The following SHISA9 variants were observed in gnomAD, a reference collection of about 807,000 sequenced individuals.
SHISA9 encodes the protein shisa family member 9.
In SHISA9, 13 loss-of-function variants were observed where a neutral mutation model predicts 38.0. The observed-to-expected ratio is 0.34, with a 90% confidence interval of 0.22 to 0.54. The LOEUF is 0.54. Among genes scored for constraint, SHISA9 ranks in the 20% least tolerant of loss-of-function variants. The pLI, the probability that SHISA9 is intolerant of heterozygous loss-of-function variation, is 0.91. For synonymous variants in SHISA9, 275 were observed against 242.0 expected, an observed-to-expected ratio of 1.14 and a Z score of -1.27; for missense variants, 538 against 575.8, an observed-to-expected ratio of 0.93 and a Z score of 0.67.
the SHISA9 span, among the ~76,000 whole-genome samples, chr16:13,257,337 C>A: frequency 1.4e-3 from 215 of 152,260 alleles, 2 homozygotes; most frequent in African/African-American, 5.0e-3. Flanking sequence ...TTATTCATTA[C>A]GTGACAAGTT....
the SHISA9 span, among the ~76,000 whole-genome samples, chr16:13,544,581 G>A: frequency 9.0e-4 from 137 of 151,974 alleles, 2 homozygotes; most frequent in East Asian, 0.025. Flanking sequence ...CTCACCAATT[G>A]CTAAGCAAAA....
chr16:13,545,026 A>G, the SHISA9 span, among the ~76,000 whole-genome samples: 3 of 152,188 alleles, frequency 2.0e-5, no homozygotes, highest in Non-Finnish European at 4.4e-5. Context: ...TTTCCTCATC[A>G]TCACAATAAC....
the SHISA9 span, among the ~76,000 whole-genome samples, chr16:13,455,942 G>T: frequency 4.6e-5 from 7 of 152,234 alleles, no homozygotes; most frequent in Non-Finnish European, 2.9e-5. Flanking sequence ...TATTTCTTGT[G>T]GCCTGGAATT....
At chr16:12,965,619 T>C (rs1371819963) in intron 2 of SHISA9, among the ~76,000 whole-genome samples, 1 of 152,154 alleles carries the variant, frequency 6.6e-6, no homozygotes, top group Non-Finnish European at 1.5e-5. Flanking sequence ...GGTGGCTGCT[T>C]TTTCAGGGAG....
At chr16:13,099,098 T>C (rs769534496) in intron 2 of SHISA9, among the ~76,000 whole-genome samples, 12 of 152,282 alleles carry the variant, frequency 7.9e-5, no homozygotes, top group Non-Finnish European at 1.6e-4. Flanking sequence ...AGCTGCTGCC[T>C]GTTTTTGCAA....
At chr16:13,071,924 G>C (rs971950936) in intron 2 of SHISA9, among the ~76,000 whole-genome samples, 1 of 152,024 alleles carries the variant, frequency 6.6e-6, no homozygotes, top group Admixed American at 6.6e-5. Context: ...GGAATTATAG[G>C]TGTGACCCAC....
At chr16:13,424,572 C>CT in the SHISA9 span, among the ~76,000 whole-genome samples, 5 of 152,242 alleles carry the variant, frequency 3.3e-5, no homozygotes, top group African/African-American at 1.2e-4. Context: ...ATCACTACTC[C>CT]TTAAGTCCAA....
chr16:12,943,318 TGTGTGTGTGTGTGAGAGAGA>T (rs2071641772), intron 2 of SHISA9, among the ~76,000 whole-genome samples: 3 of 26,416 alleles, frequency 1.1e-4, no homozygotes, highest in African/African-American at 3.7e-4. Flanking sequence ...TGTGTGTGTG[TGTGTGTGTGTGTGAGAGAGA>T]GAGAGAGAGA....
intron 2 of SHISA9, among the ~76,000 whole-genome samples, chr16:12,996,752 C>A (rs759634328): frequency 6.6e-6 from 1 of 152,094 alleles, no homozygotes; most frequent in Non-Finnish European, 1.5e-5. Flanking sequence ...CCTTTAATTT[C>A]TTATCTGTAG....
chr16:13,476,098 G>T, the SHISA9 span, among the ~76,000 whole-genome samples: 1 of 151,944 alleles, frequency 6.6e-6, no homozygotes, highest in South Asian at 2.1e-4. Context: ...TTGACAGTTT[G>T]TTTTTTTTCC....
intron 2 of SHISA9, among the ~76,000 whole-genome samples, chr16:12,932,413 C>T (rs1330657189): frequency 1.3e-5 from 2 of 152,162 alleles, no homozygotes; most frequent in East Asian, 3.9e-4. Context: ...GCGATCTGGA[C>T]TCACTGCAAC....
At chr16:13,072,453 CTT>C (rs1046555030) in intron 2 of SHISA9, among the ~76,000 whole-genome samples, 10 of 152,148 alleles carry the variant, frequency 6.6e-5, no homozygotes, top group Non-Finnish European at 1.0e-4. Flanking sequence ...TTAGTTATCT[CTT>C]GGCGAAATTC....
chr16:13,536,617 A>C, the SHISA9 span, among the ~76,000 whole-genome samples: 5 of 151,976 alleles, frequency 3.3e-5, no homozygotes, highest in Middle Eastern at 6.8e-3. Context: ...AAGACTAGCA[A>C]AGAAGAAGAC....
the SHISA9 span, among the ~76,000 whole-genome samples, chr16:13,369,077 T>C: frequency 6.6e-6 from 1 of 152,196 alleles, no homozygotes; most frequent in Non-Finnish European, 1.5e-5. Context: ...AAAATGAATA[T>C]ACTTGCTTTA....
intron 2 of SHISA9, among the ~76,000 whole-genome samples, chr16:13,011,318 C>CTTT (rs2072670718): frequency 1.5e-5 from 2 of 131,152 alleles, no homozygotes; most frequent in South Asian, 2.5e-4. Flanking sequence ...TATTAGCACT[C>CTTT]ATTTTTTTTT....
chr16:13,357,246 G>A, the SHISA9 span, among the ~76,000 whole-genome samples: 30 of 152,322 alleles, frequency 2.0e-4, no homozygotes, highest in East Asian at 4.8e-3. Flanking sequence ...GGTGAAGTCC[G>A]TGACCGGCGC....
At chr16:13,122,520 C>G (rs1003946135) in intron 2 of SHISA9, among the ~76,000 whole-genome samples, 1 of 152,036 alleles carries the variant, frequency 6.6e-6, no homozygotes, top group Non-Finnish European at 1.5e-5. Flanking sequence ...GAACAGGTTG[C>G]AAAAGAAATA....
At chr16:13,270,569 G>A in the SHISA9 span, among the ~76,000 whole-genome samples, 1 of 152,170 alleles carries the variant, frequency 6.6e-6, no homozygotes, top group Non-Finnish European at 1.5e-5. Flanking sequence ...GTGGAGAGAA[G>A]CCAACAAATT....
intron 2 of SHISA9, among the ~76,000 whole-genome samples, chr16:13,084,351 G>A (rs2073687395): frequency 6.6e-6 from 1 of 152,204 alleles, no homozygotes; most frequent in African/African-American, 2.4e-5. Flanking sequence ...TGAACTCAAT[G>A]ACCTCCCTGC....
Sources: allele counts gnomAD v4.1 joint callset (sites outside exome capture counted in the v4.1 genomes callset), GRCh38; gene constraint gnomAD v4.1.1; transcripts MANE v1.5; gene names NCBI Gene and HGNC (gene_info 2026-07-23, HGNC 2026-07-21).